TASP1: variants seen among roughly 807,000 people sequenced by gnomAD.
The protein encoded by TASP1 is threonine aspartase 1.
Under a neutral mutation model 56.6 loss-of-function variants are expected in TASP1, and 16 were observed. That is an observed-to-expected ratio of 0.28 (90% CI 0.19 to 0.43). The LOEUF (loss-of-function observed/expected upper bound fraction) is 0.43. Ranked by LOEUF, TASP1 falls within the 20% of genes least tolerant of loss-of-function variation. The pLI, the probability that TASP1 is intolerant of heterozygous loss-of-function variation, is 1.00. For missense variants in TASP1, 393 were observed against 511.6 expected (o/e 0.77, Z 2.24); for synonymous variants, 179 against 184.2 (o/e 0.97, Z 0.23).
intron 12 of TASP1, among the ~76,000 whole-genome samples, chr20:13,434,078 TA>T (rs2042919893): frequency 6.6e-6 from 1 of 152,126 alleles, no homozygotes; most frequent in Non-Finnish European, 1.5e-5. Context: ...GCATACTGTT[TA>T]ACTTTGGAGG....
At chr20:13,316,564 T>C in the TASP1 span, among the ~76,000 whole-genome samples, 171 of 151,956 alleles carry the variant, frequency 1.1e-3, no homozygotes, top group Admixed American at 1.8e-3. Context: ...TCAAATCCAG[T>C]AATGGACAAA....
At chr20:13,410,479 C>T (rs2042059731) in intron 13 of TASP1, among the ~76,000 whole-genome samples, 1 of 152,186 alleles carries the variant, frequency 6.6e-6, no homozygotes, top group Non-Finnish European at 1.5e-5. Context: ...TCTGCATCCT[C>T]ACCAGGACCT....
the TASP1 span, among the ~76,000 whole-genome samples, chr20:13,291,776 GTGAGCTAGACAAAGAA>G: frequency 1.1e-4 from 17 of 152,176 alleles, no homozygotes; most frequent in African/African-American, 4.1e-4. Flanking sequence ...AGCATCCTCA[GTGAGCTAGACAAAGAA>G]TGAGCTAGAC....
chr20:13,173,305 A>C, the TASP1 span, among the ~76,000 whole-genome samples: 1 of 152,132 alleles, frequency 6.6e-6, no homozygotes, highest in Admixed American at 6.6e-5. Context: ...AACTTCATTT[A>C]CTCACATCAG....
At chr20:13,388,411 G>T (rs1320164174), downstream of TASP1, among the ~76,000 whole-genome samples, 1 of 152,038 alleles carries the variant, frequency 6.6e-6, no homozygotes, top group African/African-American at 2.4e-5. Context: ...AAAAAATGTA[G>T]AAAATTGAAG....
chr20:13,321,809 G>A, the TASP1 span, among the ~76,000 whole-genome samples: 1 of 152,224 alleles, frequency 6.6e-6, no homozygotes. Context: ...ACTAGGGAAT[G>A]TCGAAGTGTG....
chr20:13,516,290 G>T (rs895004804), intron 10 of TASP1, among the ~76,000 whole-genome samples: 6 of 152,116 alleles, frequency 3.9e-5, no homozygotes, highest in Admixed American at 1.3e-4. Flanking sequence ...ATGTCACAAA[G>T]AAATTGTTTT....
At chr20:13,429,487 T>A (rs541157967) in intron 12 of TASP1, among the ~76,000 whole-genome samples, 2 of 149,916 alleles carry the variant, frequency 1.3e-5, no homozygotes, top group African/African-American at 5.0e-5. Flanking sequence ...TTTTTTTTTT[T>A]TAAAAAGGAC....
chr20:13,297,962 T>G, the TASP1 span, among the ~76,000 whole-genome samples: 2 of 152,276 alleles, frequency 1.3e-5, no homozygotes, highest in Non-Finnish European at 1.5e-5. Flanking sequence ...ACAGCGATGG[T>G]TACATGCCTA....
chr20:13,139,202 G>T, the TASP1 span, among the ~76,000 whole-genome samples: 1 of 152,156 alleles, frequency 6.6e-6, no homozygotes, highest in African/African-American at 2.4e-5. Flanking sequence ...ACAAGAGGTT[G>T]AGAAACTAAA....
intron 6 of TASP1, among the ~76,000 whole-genome samples, chr20:13,580,437 AC>A (rs1242990848): frequency 6.6e-6 from 1 of 152,132 alleles, no homozygotes; most frequent in African/African-American, 2.4e-5. Flanking sequence ...ACAGAGTGAG[AC>A]CCTGTCTCAA....
At chr20:13,589,279 C>A (rs371329270) in intron 4 of TASP1, among the ~76,000 whole-genome samples, 4 of 152,026 alleles carry the variant, frequency 2.6e-5, no homozygotes, top group African/African-American at 9.6e-5. Context: ...AGGATGGTCT[C>A]GATCTCCTGA....
intron 12 of TASP1, among the ~76,000 whole-genome samples, chr20:13,430,859 G>T (rs2042781763): frequency 6.6e-6 from 1 of 152,206 alleles, no homozygotes. Flanking sequence ...AAAAGTGTCT[G>T]TTACTTGAGT....
chr20:13,602,371 AACCC>A (rs2047994266), intron 4 of TASP1, among the ~76,000 whole-genome samples: 1 of 152,228 alleles, frequency 6.6e-6, no homozygotes, highest in African/African-American at 2.4e-5. Flanking sequence ...TCCTGGATGG[AACCC>A]TGGAAGAGAA....
the TASP1 span, among the ~76,000 whole-genome samples, chr20:13,172,253 A>G: frequency 1.3e-5 from 2 of 152,136 alleles, no homozygotes; most frequent in African/African-American, 4.8e-5. Context: ...AATTTTTACT[A>G]TCCCAAGGAT....
intron 4 of TASP1, among the ~76,000 whole-genome samples, chr20:13,614,444 T>C (rs756792072): frequency 6.6e-6 from 1 of 152,182 alleles, no homozygotes; most frequent in Non-Finnish European, 1.5e-5. Flanking sequence ...CCAATGTTAA[T>C]ATTTGTTCAT....
intron 10 of TASP1, among the ~76,000 whole-genome samples, chr20:13,500,554 T>C (rs995691971): frequency 2.6e-5 from 4 of 151,572 alleles, no homozygotes; most frequent in Non-Finnish European, 5.9e-5. Flanking sequence ...TCCTAAAAGA[T>C]GGGAAACTCC....
chr20:13,231,837 A>G, the TASP1 span, among the ~76,000 whole-genome samples: 57 of 152,320 alleles, frequency 3.7e-4, no homozygotes, highest in Middle Eastern at 3.4e-3. Flanking sequence ...GAGTACCCCA[A>G]TCACCAAATA....
chr20:13,367,174 GT>G, the TASP1 span, among the ~76,000 whole-genome samples: 4 of 152,182 alleles, frequency 2.6e-5, no homozygotes, highest in Admixed American at 1.3e-4. Context: ...CAGCATCCTG[GT>G]AGAGTAATAG....
Sources: gnomAD v4.1 joint callset for allele counts (sites outside exome capture counted in the v4.1 genomes callset) on GRCh38, gnomAD v4.1.1 for gene constraint, MANE v1.5 for transcripts, NCBI Gene and HGNC (gene_info 2026-07-23, HGNC 2026-07-21) for gene names.